MKNK1: variants seen among roughly 807,000 people sequenced by gnomAD.
MKNK1 encodes the protein MAPK interacting serine/threonine kinase 1.
In MKNK1, 30 loss-of-function variants were observed where a neutral mutation model predicts 49.3. That is an observed-to-expected ratio of 0.61 (90% CI 0.46 to 0.83). The LOEUF (loss-of-function observed/expected upper bound fraction) is 0.83. Ranked by LOEUF, MKNK1 falls within the 40% of genes least tolerant of loss-of-function variation. The probability of loss-of-function intolerance (pLI) is 0.00; values close to 1 mark genes in which losing one functional copy is unlikely to be tolerated. For synonymous variants in MKNK1, 176 were observed against 201.7 expected (o/e 0.87, Z 1.08); for missense variants, 423 against 524.7 (o/e 0.81, Z 1.89).
chr1:46,572,068 G>C lies in MKNK1; in HGVS notation c.452C>G (p.Thr151Ser). 6.2e-7 allele frequency: 1 copy of C among 1,614,008 alleles called. No individual in the cohort carries two copies. Among genetic ancestry groups the C allele is most frequent in the Non-Finnish European group, 8.5e-7 (1 of 1,179,910 alleles). Residue 151 changes from threonine to serine, a missense_variant, in exon 7 of 13, where the codon ACC (threonine) becomes AGC (serine). Physicochemically the swap from Thr to Ser is moderately conservative, Grantham distance 58. Transcript: ENST00000371945. ...AAGGCAAAGGCTGGGTTCACCTTTG[G>C]TATGCAGGAAGTCAAGGGCAGCAGC... ...DVAAALDFLH[T>S]KGIAHRDLKP...
chr1:46,598,284 C>G (rs984128777), intron 1 of MKNK1, among the ~76,000 whole-genome samples: 1 of 152,176 alleles, frequency 6.6e-6, no homozygotes, highest in African/African-American at 2.4e-5. Flanking sequence ...ATGTGCTGCT[C>G]TGTTCCTGTT....
rs755375261 is a variant in MKNK1, at chr1:46,572,122, C to T, written c.398G>A (p.Arg133Gln). 25 of 1,614,144 alleles carry T rather than the reference C, an allele frequency of 1.5e-5. No individual in the cohort carries two copies. The highest frequency in any genetic ancestry group is 3.3e-5 in the South Asian group (3 of 91,084). ...HIQKQKHFNEREASRVVRDVA... is the reference protein window; with the variant it reads ...HIQKQKHFNEQEASRVVRDVA... ...GTCCCGCACCACTCGGCTGGCTTCT[C>T]GCTCATTGAAGTGCTTTTGCTTCTG... is the stretch of plus-strand genomic sequence containing the variant. Residue 133 changes from arginine to glutamine, a missense_variant, in exon 7 of 13, where the codon CGA (arginine) becomes CAA (glutamine). By Grantham distance (43) the Arg-to-Gln change is conservative. Transcript: ENST00000371945.
chr1:46,600,227 A>G (rs769278953), intron 1 of MKNK1, among the ~76,000 whole-genome samples: 7 of 152,192 alleles, frequency 4.6e-5, no homozygotes, highest in Non-Finnish European at 1.0e-4. Context: ...GTACTTATCT[A>G]TCTTCCCAAC....
At chr1:46,561,700 G>A (rs1668009849) in intron 10 of MKNK1, 58 bp from the exon 11 acceptor site, 3 of 1,577,026 alleles carry the variant, frequency 1.9e-6, no homozygotes, top group East Asian at 4.5e-5. Flanking sequence ...GGATGTGCCT[G>A]TCATTGTTTT....
At chr1:46,577,694 T>TC (rs994512324) in intron 4 of MKNK1, among the ~76,000 whole-genome samples, 1 of 152,040 alleles carries the variant, frequency 6.6e-6, no homozygotes, top group Non-Finnish European at 1.5e-5. Context: ...GGTGGGCTGC[T>TC]CCCCCTCCAC....
intron 8 of MKNK1, among the ~76,000 whole-genome samples, chr1:46,566,354 G>A (rs1431579569): frequency 6.6e-6 from 1 of 152,176 alleles, no homozygotes; most frequent in Non-Finnish European, 1.5e-5. Context: ...TGGCTGACTA[G>A]TATTCCATTG....
chr1:46,594,484 C>A (rs1351071025), intron 1 of MKNK1, among the ~76,000 whole-genome samples: 2 of 152,096 alleles, frequency 1.3e-5, no homozygotes, highest in African/African-American at 2.4e-5. Context: ...TTATGTTGCC[C>A]AGGCTGGCCA....
At chr1:46,575,533 G>A (rs182435244) in intron 5 of MKNK1, 353 of 153,032 alleles carry the variant, frequency 2.3e-3, no homozygotes, top group Admixed American at 5.4e-3. Flanking sequence ...ACTGCTAAGC[G>A]CTGCTTAATG....
intron 3 of MKNK1, chr1:46,582,665 C>T (rs1268480917): frequency 5.7e-6 from 2 of 352,522 alleles, no homozygotes. Flanking sequence ...AGGACCCACA[C>T]TGAGCCTAGT....
At chr1:46,572,198 C>G (rs139194257) in intron 6 of MKNK1, 31 bp from the exon 7 acceptor site, 2 of 1,585,278 alleles carry the variant, frequency 1.3e-6, no homozygotes. Context: ...AGAAGAATGC[C>G]TTTTTGGGCT....
chr1:46,560,398 A>C (rs1189375006), intron 11 of MKNK1, 121 bp from the exon 12 acceptor site: 3 of 1,069,806 alleles, frequency 2.8e-6, no homozygotes, highest in Non-Finnish European at 2.8e-6. Context: ...GGAAATGGCT[A>C]TGCTTGCTTG....
chr1:46,564,466 G>GT lies in MKNK1; in HGVS notation c.609+574dup, dbSNP rs568296534. 5.7e-4 allele frequency among the ~76,000 whole-genome samples: 40 copies of GT among 70,156 alleles called. 5 individuals are homozygous for GT. Among genetic ancestry groups the GT allele is most frequent in the African/African-American group, 2.5e-3 (36 of 14,656 alleles). 46.0% of individuals were successfully genotyped at this position (70,156 alleles called of 152,430 possible). A position where few individuals can be genotyped will look rare whatever the true frequency, so the allele number is the denominator to read the frequency against. On this transcript the variant is annotated intron_variant, in intron 9 of 12. Coordinates refer to ENST00000371945, the MANE Select transcript of MKNK1 (RefSeq NM_001135553.4). The stretch of plus-strand genomic sequence containing the variant: ...GGGCTCAGCCTGTGTTTTTTTTATT[G>GT]TTTTTTTTTTTTTTTTTTTTTTTTT...
At chr1:46,559,456 G>C (rs1667544415) in intron 12 of MKNK1, among the ~76,000 whole-genome samples, 1 of 152,200 alleles carries the variant, frequency 6.6e-6, no homozygotes, top group South Asian at 2.1e-4. Context: ...CTGGCTCTTT[G>C]GGAACAGGGC....
intron 6 of MKNK1, among the ~76,000 whole-genome samples, chr1:46,572,755 C>G (rs1670387759): frequency 6.6e-6 from 1 of 152,082 alleles, no homozygotes; most frequent in African/African-American, 2.4e-5. Flanking sequence ...ACTAATGATG[C>G]TGAGGCTGAT....
chr1:46,559,958 G>T, intron 12 of MKNK1: 1 of 553,834 alleles, frequency 1.8e-6, no homozygotes, highest in Non-Finnish European at 3.2e-6. Flanking sequence ...TGGGCTGTAA[G>T]TTACAGTTCA....
intron 8 of MKNK1, among the ~76,000 whole-genome samples, chr1:46,568,049 G>A (rs781145589): frequency 1.3e-4 from 20 of 151,776 alleles, no homozygotes; most frequent in Admixed American, 3.9e-4. Flanking sequence ...TTGAGCCTGG[G>A]AAGTCGAGGC....
chr1:46,571,637 A>C, intron 7 of MKNK1: 1 of 359,082 alleles, frequency 2.8e-6, no homozygotes, highest in South Asian at 2.1e-5. Flanking sequence ...AATTTTGAAA[A>C]GAGACAGAGG....
At chr1:46,578,724 T>A (rs891864284) in intron 4 of MKNK1, among the ~76,000 whole-genome samples, 1 of 151,700 alleles carries the variant, frequency 6.6e-6, no homozygotes, top group African/African-American at 2.4e-5. Flanking sequence ...GTAGCTGGAA[T>A]TAGACGCACA....
At chr1:46,596,765 A>G (rs1674118125) in intron 1 of MKNK1, among the ~76,000 whole-genome samples, 1 of 152,212 alleles carries the variant, frequency 6.6e-6, no homozygotes, top group Non-Finnish European at 1.5e-5. Flanking sequence ...ACTCAATAGT[A>G]ACTCTTATTC....
Sources: allele counts gnomAD v4.1 joint callset (sites outside exome capture counted in the v4.1 genomes callset), GRCh38; gene constraint gnomAD v4.1.1; transcripts MANE v1.5; gene names NCBI Gene and HGNC (gene_info 2026-07-23, HGNC 2026-07-21).